Variants in LAMA2 observed in about 807,000 individuals in gnomAD.
LAMA2 encodes the protein laminin subunit alpha-2.
In LAMA2, 269 loss-of-function variants were observed where a neutral mutation model predicts 364.8. That is an observed-to-expected ratio of 0.74 (90% CI 0.67 to 0.82). The LOEUF is 0.82. LAMA2 is among the 40% of genes least tolerant of loss of function. The pLI, the probability that LAMA2 is intolerant of heterozygous loss-of-function variation, is 0.00. For missense variants in LAMA2, 3,807 were observed against 3,873.2 expected (o/e 0.98, Z 0.45); for synonymous variants, 1,379 against 1,370.6 (o/e 1.01, Z -0.14).
chr6:129,465,348 T>G, intron 51 of LAMA2, 59 bp downstream of exon 51: 3 of 1,316,684 alleles, frequency 2.3e-6, no homozygotes, highest in Non-Finnish European at 2.2e-6. Flanking sequence ...AAAGTGCACA[T>G]GTACCTGATC....
intron 45 of LAMA2, among the ~76,000 whole-genome samples, chr6:129,447,208 T>C (rs969254823): frequency 6.6e-6 from 1 of 152,208 alleles, no homozygotes; most frequent in Non-Finnish European, 1.5e-5. Flanking sequence ...AAATAAAATA[T>C]GTACACGTAC....
At chr6:129,343,398 C>T (rs1480793303) in intron 30 of LAMA2, among the ~76,000 whole-genome samples, 1 of 152,038 alleles carries the variant, frequency 6.6e-6, no homozygotes, top group Non-Finnish European at 1.5e-5. Flanking sequence ...TCTCCTTTTC[C>T]TCTGAAAGCT....
intron 41 of LAMA2, chr6:129,436,951 A>G (rs993522403): frequency 2.6e-5 from 4 of 152,228 alleles, no homozygotes; most frequent in African/African-American, 9.6e-5. Flanking sequence ...AATAATTACA[A>G]CTTGGTTATA....
rs539077863 is a variant in LAMA2 at position 129,048,152 on chromosome 6, A to G, written c.113-1766A>G. On this transcript the variant is annotated intron_variant, in intron 1 of 64. Coordinates refer to ENST00000421865, the MANE Select transcript of LAMA2 (RefSeq NM_000426.4). ...GACAATAGTGCTTGGCACATTGCAA[A>G]CATTCAACGATGCTGGCTATTATGA... Among the ~76,000 whole-genome samples the G allele has an allele frequency of 2.0e-5, 3 of 152,330 alleles. No individual in the cohort carries two copies. In the East Asian group the frequency reaches 5.8e-4, roughly 29 times the overall value.
intron 1 of LAMA2, among the ~76,000 whole-genome samples, chr6:129,010,135 A>G (rs1784674030): frequency 6.6e-6 from 1 of 152,208 alleles, no homozygotes; most frequent in Non-Finnish European, 1.5e-5. Flanking sequence ...GGGTTTGTTT[A>G]AAAGATTTAA....
chr6:129,213,280 T>C (rs1206800794), intron 12 of LAMA2, among the ~76,000 whole-genome samples: 2 of 152,202 alleles, frequency 1.3e-5, no homozygotes, highest in Non-Finnish European at 2.9e-5. Context: ...ATTTACCTCC[T>C]GAAAAACATC....
chr6:129,049,774 A>T, intron 1 of LAMA2, 144 bp from the exon 2 acceptor site: 2 of 725,266 alleles, frequency 2.8e-6, no homozygotes, highest in Non-Finnish European at 2.5e-6. Context: ...TAGTATACTG[A>T]ATTGTCAGGT....
intron 61 of LAMA2, among the ~76,000 whole-genome samples, chr6:129,505,875 C>T (rs1360080166): frequency 6.6e-6 from 1 of 151,990 alleles, no homozygotes; most frequent in Non-Finnish European, 1.5e-5. Context: ...GAGACAATGC[C>T]ACGGAACACT....
chr6:128,947,268 T>C (rs888244614), intron 1 of LAMA2, among the ~76,000 whole-genome samples: 2 of 152,224 alleles, frequency 1.3e-5, no homozygotes, highest in Non-Finnish European at 2.9e-5. Context: ...TTGACTTCTT[T>C]ATGCTTCATT....
chr6:129,137,838 A>G (rs1226803352), intron 4 of LAMA2, among the ~76,000 whole-genome samples: 3 of 152,228 alleles, frequency 2.0e-5, no homozygotes, highest in Non-Finnish European at 4.4e-5. Context: ...TTTACAATAA[A>G]TAAGAAAATG....
At chr6:129,316,802 G>A (rs539015833) in intron 27 of LAMA2, among the ~76,000 whole-genome samples, 1 of 152,278 alleles carries the variant, frequency 6.6e-6, no homozygotes, top group South Asian at 2.1e-4. Flanking sequence ...TGACACTTAG[G>A]ACCACACTGG....
Position 129,111,595 on chromosome 6 carries a change from G to A in LAMA2, c.639+13180G>A, listed in dbSNP as rs2114901198. On this transcript the variant is annotated intron_variant, in intron 4 of 64. Coordinates refer to ENST00000421865, the MANE Select transcript of LAMA2 (RefSeq NM_000426.4). ...TTTCATATGGTTTAAACTAATATGT[G>A]CCAAAGCATGAATAGAAATACTTGC... Among the ~76,000 whole-genome samples the A allele has an allele frequency of 1.3e-5, 2 of 152,048 alleles. 1 individual carries two copies. The highest frequency in any genetic ancestry group is 6.8e-3 in the Middle Eastern group (2 of 292).
intron 3 of LAMA2, among the ~76,000 whole-genome samples, chr6:129,089,145 A>G (rs531662238): frequency 2.9e-4 from 44 of 152,378 alleles, no homozygotes; most frequent in Non-Finnish European, 2.2e-4. Flanking sequence ...TTTCATTTGC[A>G]ATAGCTAAAA....
intron 1 of LAMA2, among the ~76,000 whole-genome samples, chr6:128,979,796 T>G (rs1017709085): frequency 2.6e-5 from 4 of 152,238 alleles, no homozygotes; most frequent in African/African-American, 9.6e-5. Context: ...CTTAACAGAC[T>G]AAGGTGGATT....
intron 3 of LAMA2, among the ~76,000 whole-genome samples, chr6:129,088,990 C>T (rs576011462): frequency 7.1e-4 from 78 of 109,458 alleles, no homozygotes; most frequent in African/African-American, 1.9e-3. Flanking sequence ...TGTAGCTAGC[C>T]GAGATCACAC....
chr6:129,265,106 GAGAAGATA>G (rs1259631978), intron 15 of LAMA2, among the ~76,000 whole-genome samples: 1 of 152,110 alleles, frequency 6.6e-6, no homozygotes, highest in East Asian at 1.9e-4. Context: ...AGTGAATATT[GAGAAGATA>G]ACAGATGCTG....
At chr6:128,957,633 A>G (rs1398916694) in intron 1 of LAMA2, among the ~76,000 whole-genome samples, 1 of 151,956 alleles carries the variant, frequency 6.6e-6, no homozygotes, top group Non-Finnish European at 1.5e-5. Context: ...GATGTAGAAT[A>G]ATCCTTTTTT....
intron 3 of LAMA2, among the ~76,000 whole-genome samples, chr6:129,066,191 G>A (rs865935683): frequency 1.8e-4 from 27 of 147,490 alleles, no homozygotes; most frequent in African/African-American, 2.2e-4. Context: ...GACTACAGGC[G>A]CCCGCCACTA....
At chr6:129,311,759 A>G (rs957317522) in intron 22 of LAMA2, among the ~76,000 whole-genome samples, 2 of 152,242 alleles carry the variant, frequency 1.3e-5, no homozygotes, top group African/African-American at 4.8e-5. Context: ...AAAAAGACAA[A>G]TGGATAAGCA....
Sources: gnomAD v4.1 joint callset for allele counts (sites outside exome capture counted in the v4.1 genomes callset) on GRCh38, gnomAD v4.1.1 for gene constraint, MANE v1.5 for transcripts, NCBI Gene and HGNC (gene_info 2026-07-23, HGNC 2026-07-21) for gene names.